The following NYAP2 variants were observed in gnomAD, a reference collection of about 807,000 sequenced individuals.
The protein encoded by NYAP2 is neuronal tyrosine-phosphorylated phosphoinositide-3-kinase adaptor 2, also known as neuronal tyrosine-phosphorylated phosphoinositide-3-kinase adapter 2.
In NYAP2, 23 loss-of-function variants were observed where a neutral mutation model predicts 50.4. The ratio of observed to expected loss-of-function variants is 0.46; its 90% CI spans 0.33 to 0.65. NYAP2 has a LOEUF of 0.65. NYAP2 is among the 30% of genes least tolerant of loss of function. The pLI is 0.02. For missense variants in NYAP2, 885 were observed against 861.0 expected, an observed-to-expected ratio of 1.03 and a Z score of -0.35; for synonymous variants, 394 against 365.2, an observed-to-expected ratio of 1.08 and a Z score of -0.90.
At chr2:225,446,897 C>T (rs968308469) in intron 3 of NYAP2, among the ~76,000 whole-genome samples, 1 of 151,906 alleles carries the variant, frequency 6.6e-6, no homozygotes, top group Non-Finnish European at 1.5e-5. Context: ...GGAGTCAGCT[C>T]CCCATGTTCT....
chr2:225,624,551 G>A (rs1241284271), intron 5 of NYAP2, among the ~76,000 whole-genome samples: 3 of 152,088 alleles, frequency 2.0e-5, no homozygotes, highest in Non-Finnish European at 4.4e-5. Flanking sequence ...AGTGTGACTG[G>A]TACCTCATAG....
chr2:225,626,479 C>T (rs1454878587), intron 5 of NYAP2, among the ~76,000 whole-genome samples: 4 of 152,104 alleles, frequency 2.6e-5, no homozygotes, highest in Non-Finnish European at 4.4e-5. Flanking sequence ...AGTGAGTAAT[C>T]AAATAATTGT....
At chr2:225,433,431 G>A (rs189167388) in intron 3 of NYAP2, among the ~76,000 whole-genome samples, 2 of 151,668 alleles carry the variant, frequency 1.3e-5, no homozygotes, top group African/African-American at 2.4e-5. Context: ...AAATCCTGGC[G>A]TATGTATATT....
the NYAP2 span, among the ~76,000 whole-genome samples, chr2:225,688,465 T>G: frequency 6.6e-6 from 1 of 152,212 alleles, no homozygotes; most frequent in African/African-American, 2.4e-5. Context: ...GCTAAGAATA[T>G]GAAGATTAAT....
chr2:225,506,355 T>C (rs190637357), intron 3 of NYAP2, among the ~76,000 whole-genome samples: 88 of 152,206 alleles, frequency 5.8e-4, no homozygotes, highest in Non-Finnish European at 5.4e-4. Flanking sequence ...GTGAATATGA[T>C]GAATTGTATG....
In NYAP2 at chr2:225,582,990, C is replaced by T. The variant is rs1692324916; in HGVS notation, c.1573C>T (p.Leu525=). The T allele has an allele frequency of 6.2e-7, 1 of 1,612,192 alleles. No homozygotes were observed. The highest frequency in any genetic ancestry group is 8.5e-7 in the Non-Finnish European group (1 of 1,179,590). The change falls in exon 5 of 7, where the codon CTG becomes TTG. Residue 525 remains leucine (L), a synonymous_variant. Transcript: ENST00000636099. The surrounding 1 kb of genome is among the most constrained non-coding windows in gnomAD (Gnocchi z 7.0). The stretch of plus-strand genomic sequence containing the variant: ...CCTCTTCTCCTCCGGCCGCAGCCTG[C>T]TGCGCAAGTCGTCCAGTGGCCGGCG...
intron 3 of NYAP2, among the ~76,000 whole-genome samples, chr2:225,449,480 A>G (rs1689613759): frequency 6.6e-6 from 1 of 152,238 alleles, no homozygotes; most frequent in South Asian, 2.1e-4. Flanking sequence ...ATATGAGATC[A>G]TTAAATGTGT....
chr2:225,519,920 C>G (rs12464463), intron 4 of NYAP2, among the ~76,000 whole-genome samples: 45,822 of 151,822 alleles, frequency 0.3, 7,055 homozygotes, highest in South Asian at 0.48. Context: ...TCTCCACATC[C>G]TCTCCAGCAC....
chr2:225,679,357 A>G, the NYAP2 span, among the ~76,000 whole-genome samples: 1,095 of 152,278 alleles, frequency 7.2e-3, 14 homozygotes, highest in African/African-American at 0.025. Context: ...TATTACCTAC[A>G]ATGTTCATTA....
rs182736726 is a variant in NYAP2 at position 225,539,292 on chromosome 2, G to A, written c.523+25620G>A. ...CAAGTCTTTGCTATTTGTGAATAGT[G>A]CTGCAATAAACATACATGTGCATGT... On this transcript the variant is annotated intron_variant, in intron 4 of 6. Transcript: ENST00000636099. 1.9e-3 allele frequency among the ~76,000 whole-genome samples: 287 copies of A among 152,304 alleles called. 1 individual carries two copies. Among genetic ancestry groups the A allele is most frequent in the Admixed American group, 3.2e-3 (49 of 15,304 alleles).
At chr2:225,700,722 T>C in the NYAP2 span, 3 of 151,848 alleles carry the variant, frequency 2.0e-5, no homozygotes, top group Admixed American at 2.0e-4. Context: ...ATGGTGATGA[T>C]TAACCCTCCC....
At chr2:225,567,765 T>C (rs934576889) in intron 4 of NYAP2, among the ~76,000 whole-genome samples, 2 of 152,054 alleles carry the variant, frequency 1.3e-5, no homozygotes, top group African/African-American at 4.8e-5. Context: ...CATACACATA[T>C]CTAATAAGTG....
intron 3 of NYAP2, among the ~76,000 whole-genome samples, chr2:225,434,868 A>G (rs1210136023): frequency 1.3e-5 from 2 of 152,236 alleles, no homozygotes; most frequent in Non-Finnish European, 2.9e-5. Context: ...TGATATATAT[A>G]TAATTAGACT....
intron 4 of NYAP2, among the ~76,000 whole-genome samples, chr2:225,566,384 C>T (rs1039981692): frequency 3.9e-5 from 6 of 152,148 alleles, no homozygotes; most frequent in African/African-American, 1.4e-4. Flanking sequence ...GACAGACTTC[C>T]AAAGGATAAT....
intron 5 of NYAP2, among the ~76,000 whole-genome samples, chr2:225,602,351 G>A (rs1482866474): frequency 6.6e-6 from 1 of 152,178 alleles, no homozygotes; most frequent in Non-Finnish European, 1.5e-5. Context: ...GTGAAGGGGA[G>A]AGAAATATGT....
intron 3 of NYAP2, among the ~76,000 whole-genome samples, chr2:225,510,908 G>C (rs1419345977): frequency 6.6e-6 from 1 of 152,036 alleles, no homozygotes; most frequent in African/African-American, 2.4e-5. Flanking sequence ...GTCAGTCCGG[G>C]AAAAAGTTCA....
chr2:225,685,491 T>G, the NYAP2 span, among the ~76,000 whole-genome samples: 1 of 152,154 alleles, frequency 6.6e-6, no homozygotes, highest in Non-Finnish European at 1.5e-5. Context: ...ATAAATTAAC[T>G]CAGGAATCTG....
intron 5 of NYAP2, among the ~76,000 whole-genome samples, chr2:225,621,872 G>C (rs542593052): frequency 2.6e-5 from 4 of 152,090 alleles, no homozygotes; most frequent in African/African-American, 9.7e-5. Flanking sequence ...GCATGTGCCA[G>C]AGTTCCTTTT....
intron 6 of NYAP2, among the ~76,000 whole-genome samples, chr2:225,629,564 A>C (rs1256250394): frequency 6.6e-6 from 1 of 152,196 alleles, no homozygotes; most frequent in Non-Finnish European, 1.5e-5. Context: ...TTTATTAAGA[A>C]AAGAGGTGTA....
Sources: gnomAD v4.1 joint callset for allele counts (sites outside exome capture counted in the v4.1 genomes callset) on GRCh38, gnomAD v4.1.1 for gene constraint, Gnocchi (gnomAD v3.1) non-coding constraint, MANE v1.5 for transcripts, NCBI Gene and HGNC (gene_info 2026-07-23, HGNC 2026-07-21) for gene names.